The following KDM6A variants were observed in gnomAD, a reference collection of about 807,000 sequenced individuals.
KDM6A encodes the protein lysine demethylase 6A, also known as lysine-specific demethylase 6A.
KDM6A carries 11 observed loss-of-function variants against 117.6 expected under a neutral mutation model. The ratio of observed to expected loss-of-function variants is 0.09; its 90% confidence interval spans 0.06 to 0.15. KDM6A has a LOEUF of 0.15. Ranked by LOEUF, KDM6A falls within the 10% of genes least tolerant of loss-of-function variation. The pLI, the probability that KDM6A is intolerant of heterozygous loss-of-function variation, is 1.00. For synonymous variants in KDM6A, 384 were observed against 396.1 expected (o/e 0.97, Z 0.36); for missense variants, 799 against 1,077.3 (o/e 0.74, Z 3.62).
Position 45,070,279 on chromosome X carries a change from A to G in KDM6A, c.2780A>G (p.His927Arg), listed in dbSNP as rs2044758499. ...PMKTDLLLVN[H>R]KPSPQIIPSM... ...AAAACAGATCTGCTTCTGGTTAACC[A>G]CAAACCTAGTCCACAGATCATACCA... Residue 927 changes from histidine to arginine, a missense_variant, in exon 18 of 30, where the codon CAC (histidine) becomes CGC (arginine). By Grantham distance (29) the His-to-Arg change is conservative. This residue lies in a region of KDM6A where 291 missense variants were observed against 437.9 expected (regional missense o/e 0.66). Coordinates refer to ENST00000611820, the MANE Select transcript of KDM6A (RefSeq NM_001291415.2). 2.5e-6 allele frequency: 3 copies of G among 1,208,972 alleles called. No homozygotes were observed. Among genetic ancestry groups the G allele is most frequent in the African/African-American group, 1.7e-5 (1 of 57,170 alleles).
chrX:44,927,383 G>T (rs1166687018), intron 2 of KDM6A, among the ~76,000 whole-genome samples: 1 of 110,853 alleles, frequency 9.0e-6, no homozygotes, highest in Non-Finnish European at 1.9e-5. Flanking sequence ...AACATCAAAT[G>T]ACTAAAGGAT....
chrX:45,110,602 T>C (rs2046732749), intron 29 of KDM6A, among the ~76,000 whole-genome samples: 2 of 111,990 alleles, frequency 1.8e-5, no homozygotes, highest in African/African-American at 6.5e-5. Flanking sequence ...GCCCACAAAA[T>C]GAATCAGTAA....
At chrX:45,023,258 C>G (rs1316854127) in intron 6 of KDM6A, among the ~76,000 whole-genome samples, 3 of 111,868 alleles carry the variant, frequency 2.7e-5, no homozygotes, top group Non-Finnish European at 5.6e-5. Context: ...CAGATCTTCT[C>G]TATCCCATTT....
At chrX:45,058,288 A>G (rs1392786688) in intron 10 of KDM6A, among the ~76,000 whole-genome samples, 1 of 109,884 alleles carries the variant, frequency 9.1e-6, no homozygotes, top group Non-Finnish European at 1.9e-5. Context: ...TTTAGTGCCA[A>G]GAATAAGAAG....
chrX:44,947,254 GA>G (rs2037696840), intron 2 of KDM6A, among the ~76,000 whole-genome samples: 1 of 111,262 alleles, frequency 9.0e-6, no homozygotes, highest in South Asian at 3.7e-4. Flanking sequence ...CCAGGAATGT[GA>G]TAGTACTGTG....
intron 21 of KDM6A, among the ~76,000 whole-genome samples, chrX:45,079,971 TCTTAA>T (rs1276728845): frequency 8.9e-6 from 1 of 112,091 alleles, no homozygotes; most frequent in Non-Finnish European, 1.9e-5. Flanking sequence ...GAGCAGGGTT[TCTTAA>T]CTTCGATACT....
intron 4 of KDM6A, among the ~76,000 whole-genome samples, chrX:44,988,482 C>T (rs950291392): frequency 9.9e-5 from 11 of 111,472 alleles, no homozygotes; most frequent in Non-Finnish European, 1.7e-4. Flanking sequence ...GGAGGTGAGG[C>T]GCTCTGATTT....
chrX:45,045,881 A>C (rs1192100227), intron 8 of KDM6A, among the ~76,000 whole-genome samples: 1 of 110,777 alleles, frequency 9.0e-6, no homozygotes, highest in Admixed American at 9.7e-5. Context: ...CAATATATCC[A>C]GAAGTGGAAT....
intron 4 of KDM6A, among the ~76,000 whole-genome samples, chrX:45,010,435 T>C (rs2041706652): frequency 8.9e-6 from 1 of 111,853 alleles, no homozygotes; most frequent in Non-Finnish European, 1.9e-5. Context: ...TTGACACATG[T>C]CTTGTTTCAT....
At chrX:44,887,663 C>T (rs1445373195) in intron 2 of KDM6A, among the ~76,000 whole-genome samples, 2 of 111,081 alleles carry the variant, frequency 1.8e-5, no homozygotes, top group Non-Finnish European at 3.8e-5. Context: ...TAAGCACAGT[C>T]GCCATTAACA....
rs1361144265 is a variant in KDM6A at position 45,040,712 on chromosome X, C to T, written c.654+3023C>T. 1.5e-4 allele frequency among the ~76,000 whole-genome samples: 10 copies of T among 64,791 alleles called. No homozygotes were observed. In the East Asian group the frequency reaches 2.4e-3, roughly 15 times the overall value. 56.3% of individuals were successfully genotyped at this position (64,791 alleles called of 115,157 possible). A position where few individuals can be genotyped will look rare whatever the true frequency, so the allele number is the denominator to read the frequency against. On this transcript the variant is annotated intron_variant, in intron 8 of 29. Transcript: ENST00000611820. ...CTCCCTCCCGGACGGGGCGGCTGGACGGGCGGGGGGCTGACCCCCCCACCT... is the reference window on the plus strand; with the variant it reads ...CTCCCTCCCGGACGGGGCGGCTGGATGGGCGGGGGGCTGACCCCCCCACCT...
intron 2 of KDM6A, among the ~76,000 whole-genome samples, chrX:44,926,894 C>G (rs774423235): frequency 1.3e-3 from 144 of 111,214 alleles, no homozygotes; most frequent in Non-Finnish European, 2.3e-3. Context: ...CTGGAGTTGT[C>G]TTTTTCCAAT....
At chrX:45,091,648 T>TTA (rs1425606796) in intron 27 of KDM6A, among the ~76,000 whole-genome samples, 1 of 111,658 alleles carries the variant, frequency 9.0e-6, no homozygotes, top group Non-Finnish European at 1.9e-5. Flanking sequence ...GGGAGAAGAG[T>TTA]TATAGTGTAT....
chrX:45,067,653 G>GTTTTTTTT (rs1192862756), intron 17 of KDM6A, among the ~76,000 whole-genome samples: 3 of 83,301 alleles, frequency 3.6e-5, no homozygotes, highest in African/African-American at 4.7e-5. Flanking sequence ...TCTTTTTTTT[G>GTTTTTTTT]TTTTTTTTTT....
rs141134494 is a variant in KDM6A, at chrX:45,110,136, A to G, written c.4219A>G (p.Ile1407Val). 1.7e-6 allele frequency: 2 copies of G among 1,210,150 alleles called. No individual in the cohort carries two copies. The highest frequency in any genetic ancestry group is 1.7e-5 in the African/African-American group (1 of 57,836). The change falls in exon 29 of 30, where the codon ATA becomes GTA. Residue 1407 changes from isoleucine (I) to valine (V), a missense_variant. Physicochemically the swap from Ile to Val is conservative, Grantham distance 29. This residue lies in a region of KDM6A where 291 missense variants were observed against 437.9 expected (regional missense o/e 0.66). Coordinates refer to ENST00000611820, the MANE Select transcript of KDM6A (RefSeq NM_001291415.2). ...TNESNSRKTY[I>V]VHCQDCARKT... ...TGAGAGTAATTCACGAAAGACCTAC[A>G]TAGTACATTGCCAAGATTGTGCACG...
At chrX:45,045,108 T>C (rs969882656) in intron 8 of KDM6A, among the ~76,000 whole-genome samples, 4 of 112,083 alleles carry the variant, frequency 3.6e-5, no homozygotes, top group Non-Finnish European at 7.5e-5. Flanking sequence ...GTTTTAAGTG[T>C]ACAACTCACT....
chrX:45,111,938 G>C lies in KDM6A; in HGVS notation c.*527G>C, dbSNP rs1237655125. On this transcript the variant is annotated 3_prime_UTR_variant, in exon 30 of 30. Coordinates refer to ENST00000611820, the MANE Select transcript of KDM6A (RefSeq NM_001291415.2). Reference sequence around the variant, plus strand: ...TTGAGACCATGATGGTTACACTTTTGGTTCCTAAATAAAATTTAAAAAATT... The same window carrying C: ...TTGAGACCATGATGGTTACACTTTTCGTTCCTAAATAAAATTTAAAAAATT... 1 of 168,900 alleles carries C rather than the reference G, an allele frequency of 5.9e-6. No individual in the cohort carries two copies. Among genetic ancestry groups the C allele is most frequent in the East Asian group, 8.5e-5 (1 of 11,744 alleles). 13.9% of individuals were successfully genotyped at this position (168,900 alleles called of 1,213,427 possible).
rs1162076869 is a variant in KDM6A, at chrX:44,883,226, G to A, written c.225+9239G>A. ...TGGGACTATAAGCGTGAACCACCAA[G>A]CCTGGCTACTTTTTTGTATTTTTTT... On this transcript the variant is annotated intron_variant, in intron 2 of 29. Transcript: ENST00000611820. Among the ~76,000 whole-genome samples the A allele has an allele frequency of 1.0e-4, 11 of 109,578 alleles. No individual in the cohort carries two copies. In the Admixed American group the frequency reaches 1.1e-3, roughly 11 times the overall value.
chrX:44,983,924 C>T (rs1332884640), intron 4 of KDM6A, among the ~76,000 whole-genome samples: 1 of 109,110 alleles, frequency 9.2e-6, no homozygotes, highest in East Asian at 2.8e-4. Context: ...GGGTATATAC[C>T]CAGTAATGGG....
Sources: gnomAD v4.1 joint callset for allele counts (sites outside exome capture counted in the v4.1 genomes callset) on GRCh38, gnomAD v4.1.1 for gene constraint, gnomAD v4.1.1 regional missense constraint, MANE v1.5 for transcripts, NCBI Gene and HGNC (gene_info 2026-07-23, HGNC 2026-07-21) for gene names.